The following UBE2E1 variants were observed in gnomAD, a reference collection of about 807,000 sequenced individuals.
The protein encoded by UBE2E1 is ubiquitin conjugating enzyme E2 E1.
UBE2E1 carries 6 observed loss-of-function variants against 21.4 expected under a neutral mutation model. The ratio of observed to expected loss-of-function variants is 0.28; its 90% CI spans 0.15 to 0.55. The LOEUF (loss-of-function observed/expected upper bound fraction) is 0.55. UBE2E1 is among the 20% of genes least tolerant of loss of function. The pLI is 0.93. For missense variants in UBE2E1, 142 were observed against 236.5 expected (o/e 0.60, Z 2.62); for synonymous variants, 87 against 82.7 (o/e 1.05, Z -0.28).
At chr3:23,839,680 C>CT (rs1010850123) in intron 3 of UBE2E1, among the ~76,000 whole-genome samples, 11 of 150,356 alleles carry the variant, frequency 7.3e-5, no homozygotes, top group South Asian at 2.1e-4. Flanking sequence ...AAATCTTTGT[C>CT]TTTTTTTTTG....
At chr3:23,857,062 T>C (rs1700458716) in intron 3 of UBE2E1, among the ~76,000 whole-genome samples, 1 of 149,042 alleles carries the variant, frequency 6.7e-6, no homozygotes, top group South Asian at 2.1e-4. Flanking sequence ...GCCTGGCAGG[T>C]CTTTGGTGAC....
chr3:23,824,612 T>C (rs549795973), intron 3 of UBE2E1, among the ~76,000 whole-genome samples: 8 of 152,356 alleles, frequency 5.3e-5, no homozygotes, highest in Non-Finnish European at 1.0e-4. Context: ...TCAAGGAGCA[T>C]TAGGTTTGAG....
chr3:23,830,251 G>T (rs1699840826), intron 3 of UBE2E1, among the ~76,000 whole-genome samples: 2 of 152,158 alleles, frequency 1.3e-5, no homozygotes, highest in Non-Finnish European at 2.9e-5. Flanking sequence ...CCTGACAAGA[G>T]CATGGAGTGG....
At chr3:23,888,022 T>A (rs1052740504) in intron 4 of UBE2E1, among the ~76,000 whole-genome samples, 15 of 152,142 alleles carry the variant, frequency 9.9e-5, no homozygotes, top group Non-Finnish European at 2.2e-4. Flanking sequence ...AAAAATGGTG[T>A]CAAGCCAGGT....
At position 23,842,119 on chromosome 3, in the gene UBE2E1, A is replaced by G. The variant is rs761165820; in HGVS notation, c.203+30609A>G. On this transcript the variant is annotated intron_variant, in intron 3 of 5. Transcript: ENST00000306627. The surrounding 1 kb of genome is among the most constrained non-coding windows in gnomAD (Gnocchi z 4.6). ...ATGTGGTGTAACTTTTGGTTTGACT[A>G]TAATGGGCAGTGGAATCTCAGATGT... Among the ~76,000 whole-genome samples the G allele has an allele frequency of 1.3e-5, 2 of 151,612 alleles. No individual in the cohort carries two copies. Among genetic ancestry groups the G allele is most frequent in the African/African-American group, 2.4e-5 (1 of 41,298 alleles).
chr3:23,873,206 G>C (rs1389715839), intron 3 of UBE2E1, among the ~76,000 whole-genome samples: 2 of 152,144 alleles, frequency 1.3e-5, no homozygotes, highest in Non-Finnish European at 2.9e-5. Flanking sequence ...AGTAAAAATG[G>C]TAAGTCATGT....
intron 3 of UBE2E1, among the ~76,000 whole-genome samples, chr3:23,817,283 G>T (rs923658769): frequency 6.6e-6 from 1 of 152,024 alleles, no homozygotes; most frequent in Non-Finnish European, 1.5e-5. Context: ...TTAGCCGGGC[G>T]TGGTGACGCG....
intron 3 of UBE2E1, among the ~76,000 whole-genome samples, chr3:23,857,419 A>T (rs1370834553): frequency 6.6e-6 from 1 of 152,194 alleles, no homozygotes; most frequent in Non-Finnish European, 1.5e-5. Flanking sequence ...TTCATGTGGG[A>T]AGAATTGAAG....
At chr3:23,839,422 C>T (rs1700038939) in intron 3 of UBE2E1, among the ~76,000 whole-genome samples, 1 of 151,858 alleles carries the variant, frequency 6.6e-6, no homozygotes, top group African/African-American at 2.4e-5. Context: ...CAAGATCACT[C>T]CACTGTACTC....
At chr3:23,866,292 G>A (rs1700655326) in intron 3 of UBE2E1, 1 of 152,454 alleles carries the variant, frequency 6.6e-6, no homozygotes. Flanking sequence ...AGTTGCAGAG[G>A]CCTCAGCTTC....
intron 3 of UBE2E1, among the ~76,000 whole-genome samples, chr3:23,877,446 G>T (rs1258403774): frequency 6.6e-6 from 1 of 152,078 alleles, no homozygotes. Flanking sequence ...TGACATTGTA[G>T]GCTGAGATCA....
In UBE2E1 at chr3:23,890,561, A is replaced by C; in HGVS notation, c.537A>C (p.Glu179Asp). 1 of 1,613,908 alleles carries C rather than the reference A, an allele frequency of 6.2e-7. No individual in the cohort carries two copies. Among genetic ancestry groups the C allele is most frequent in the South Asian group, 1.1e-5 (1 of 91,016 alleles). ...CTCAGTATATGACCAACAGAGCAGA[A>C]CATGACAGAATGGCCAGACAGTGGA... ...IATQYMTNRA[E>D]HDRMARQWTK... Residue 179 changes from glutamate (E) to aspartate (D), a missense_variant, in exon 6 of 6, where the codon GAA becomes GAC. By Grantham distance (45) the Glu-to-Asp change is conservative. Transcript: ENST00000306627.
rs1051708732 is a variant in UBE2E1 at position 23,870,986 on chromosome 3, G to A, written c.204-16581G>A. On this transcript the variant is annotated intron_variant, in intron 3 of 5. Coordinates refer to ENST00000306627, the MANE Select transcript of UBE2E1 (RefSeq NM_003341.5). This position sits in a 1 kb window ranked among gnomAD's most constrained non-coding sequence, Gnocchi z 4.2. ...ACAGCACATGTTTCAGAGGGCACAG[G>A]GTTGGGGGTAAGGTCACAGATCAAC... 6.6e-6 allele frequency among the ~76,000 whole-genome samples: 1 copy of A among 152,180 alleles called. No individual in the cohort carries two copies. Among genetic ancestry groups the A allele is most frequent in the Non-Finnish European group, 1.5e-5 (1 of 68,030 alleles).
In UBE2E1 at chr3:23,853,286, G is replaced by GA. The variant is rs905315845; in HGVS notation, c.204-34274dup. Among the ~76,000 whole-genome samples the GA allele has an allele frequency of 1.3e-5, 2 of 152,050 alleles. No individual in the cohort carries two copies. Among genetic ancestry groups the GA allele is most frequent in the Non-Finnish European group, 2.9e-5 (2 of 68,004 alleles). ...TAAGGGTATCAAGTTCTTTTGCTCT[G>GA]AAAAAAATGAAAAATAAAATAAGTA... On this transcript the variant is annotated intron_variant, in intron 3 of 5. Coordinates refer to ENST00000306627, the MANE Select transcript of UBE2E1 (RefSeq NM_003341.5). This position sits in a 1 kb window ranked among gnomAD's most constrained non-coding sequence, Gnocchi z 4.1.
intron 3 of UBE2E1, among the ~76,000 whole-genome samples, chr3:23,834,258 A>G (rs1699930644): frequency 6.6e-6 from 1 of 152,204 alleles, no homozygotes; most frequent in Non-Finnish European, 1.5e-5. Context: ...ATGGCACTAT[A>G]ATCTTGGGCA....
In UBE2E1 at chr3:23,870,979, G is replaced by A. The variant is rs1198733621; in HGVS notation, c.204-16588G>A. Among the ~76,000 whole-genome samples the A allele has an allele frequency of 3.3e-5, 5 of 152,108 alleles. No individual in the cohort carries two copies. Among genetic ancestry groups the A allele is most frequent in the African/African-American group, 9.7e-5 (4 of 41,416 alleles). ...AGTGGACACAGCACATGTTTCAGAG[G>A]GCACAGGGTTGGGGGTAAGGTCACA... On this transcript the variant is annotated intron_variant, in intron 3 of 5. Coordinates refer to ENST00000306627, the MANE Select transcript of UBE2E1 (RefSeq NM_003341.5). The surrounding 1 kb of genome is among the most constrained non-coding windows in gnomAD (Gnocchi z 4.2).
chr3:23,842,250 G>GTGTGTGGTGTTGTTGT lies in UBE2E1; in HGVS notation c.203+30743_203+30744insGTGGTGTTGTTGTTGT, dbSNP rs1553637746. On this transcript the variant is annotated intron_variant, in intron 3 of 5. Transcript: ENST00000306627. The surrounding 1 kb of genome is among the most constrained non-coding windows in gnomAD (Gnocchi z 4.6). ...GTGTGTGTGTGTGTGTGTGTGTGTGGTGTTGTTGTTGTTGGCGACAGGGTC... is the reference window on the plus strand; with the variant it reads ...GTGTGTGTGTGTGTGTGTGTGTGTGGTGTGTGGTGTTGTTGTTGTTGTTGTTGTTGGCGACAGGGTC... 1.2e-5 allele frequency among the ~76,000 whole-genome samples: 1 copy of GTGTGTGGTGTTGTTGT among 86,288 alleles called. No homozygotes were observed. Among genetic ancestry groups the GTGTGTGGTGTTGTTGT allele is most frequent in the African/African-American group, 4.6e-5 (1 of 21,640 alleles). 56.6% of individuals were successfully genotyped at this position (86,288 alleles called of 152,430 possible).
Position 23,810,402 on chromosome 3 carries a change from A to C in UBE2E1, c.153-1058A>C. On this transcript the variant is annotated intron_variant, in intron 2 of 5. Transcript: ENST00000306627. The surrounding 1 kb of genome is among the most constrained non-coding windows in gnomAD (Gnocchi z 5.8). Reference sequence around the variant, plus strand: ...TGAGTGGGGGATGGGGCCCTTTGTGAAGTCGAGGGTTGGTGCGGAGGGAGA... The same window carrying C: ...TGAGTGGGGGATGGGGCCCTTTGTGCAGTCGAGGGTTGGTGCGGAGGGAGA... 2 of 1,531,818 alleles carry C rather than the reference A, an allele frequency of 1.3e-6. No homozygotes were observed. The highest frequency in any genetic ancestry group is 2.4e-5 in the South Asian group (2 of 83,946). The allele number at this position is 1,531,818 out of a possible 1,614,324, so 94.9% of individuals were successfully genotyped here. A position where few individuals can be genotyped will look rare whatever the true frequency, so the allele number is the denominator to read the frequency against.
At position 23,870,960 on chromosome 3, in the gene UBE2E1, C is replaced by T. The variant is rs1257710773; in HGVS notation, c.204-16607C>T. On this transcript the variant is annotated intron_variant, in intron 3 of 5. Coordinates refer to ENST00000306627, the MANE Select transcript of UBE2E1 (RefSeq NM_003341.5). The surrounding 1 kb of genome is among the most constrained non-coding windows in gnomAD (Gnocchi z 4.2). ...CTTAATCCATTTAACCCTGAGTGGA[C>T]ACAGCACATGTTTCAGAGGGCACAG... 2.6e-5 allele frequency among the ~76,000 whole-genome samples: 4 copies of T among 152,160 alleles called. No individual in the cohort carries two copies. Among genetic ancestry groups the T allele is most frequent in the African/African-American group, 4.8e-5 (2 of 41,438 alleles).
Sources: allele counts gnomAD v4.1 joint callset (sites outside exome capture counted in the v4.1 genomes callset), GRCh38; gene constraint gnomAD v4.1.1; non-coding constraint Gnocchi (gnomAD v3.1); transcripts MANE v1.5; gene names NCBI Gene and HGNC (gene_info 2026-07-23, HGNC 2026-07-21).